The following TMC6 variants were observed in gnomAD, a reference collection of about 807,000 sequenced individuals.
TMC6 encodes transmembrane channel like 6.
Under a neutral mutation model 95.4 loss-of-function variants are expected in TMC6, and 71 were observed. The observed-to-expected ratio is 0.74, with a 90% CI of 0.61 to 0.91. TMC6 has a LOEUF of 0.91. TMC6 is among the 40% of genes least tolerant of loss of function. The probability of loss-of-function intolerance (pLI) is 0.00; values close to 1 mark genes in which losing one functional copy is unlikely to be tolerated. For synonymous variants in TMC6, 514 were observed against 483.1 expected, an observed-to-expected ratio of 1.06 and a Z score of -0.84; for missense variants, 1,074 against 1,079.1, an observed-to-expected ratio of 1.00 and a Z score of 0.07.
Position 78,124,360 on chromosome 17 carries a change from C to T in TMC6, c.891+164G>A, listed in dbSNP as rs528228226. The T allele has an allele frequency of 9.7e-6, 13 of 1,344,732 alleles. No homozygotes were observed. The African/African-American group carries it at 1.7e-4, about 18-fold the overall frequency. The allele number at this position is 1,344,732 out of a possible 1,614,324, so 83.3% of individuals were successfully genotyped here. A position where few individuals can be genotyped will look rare whatever the true frequency, so the allele number is the denominator to read the frequency against. On this transcript the variant is annotated intron_variant, in intron 8 of 19. Transcript: ENST00000590602. ...CCCATGGGAACCCCAGCACGATGAGCATCCAGGGTCATTGAGGGGGAGGCG... is the reference window on the plus strand; with the variant it reads ...CCCATGGGAACCCCAGCACGATGAGTATCCAGGGTCATTGAGGGGGAGGCG...
chr17:78,113,751 AAAAG>A (rs2073914295), intron 18 of TMC6, 127 bp from the exon 19 acceptor site: 2 of 993,420 alleles, frequency 2.0e-6, no homozygotes, highest in East Asian at 2.4e-5. Context: ...GCAAAAACAT[AAAAG>A]AAAAGGTGAA....
At chr17:78,126,722 T>A in intron 2 of TMC6, 55 bp downstream of exon 2, 1 of 1,611,682 alleles carries the variant, frequency 6.2e-7, no homozygotes, top group Non-Finnish European at 8.5e-7. Context: ...TCAGGTGACC[T>A]CTCCGTGGGG....
chr17:78,114,504 G>C (rs761642504), intron 18 of TMC6, among the ~76,000 whole-genome samples: 5 of 152,046 alleles, frequency 3.3e-5, no homozygotes, highest in Non-Finnish European at 5.9e-5. Context: ...GGGCTCTTTC[G>C]ACAATGAAAT....
upstream of TMC6, among the ~76,000 whole-genome samples, chr17:78,129,009 G>C (rs1335287563): frequency 6.6e-6 from 1 of 152,094 alleles, no homozygotes; most frequent in Non-Finnish European, 1.5e-5. This position sits in a 1 kb window ranked among gnomAD's most constrained non-coding sequence, Gnocchi z 4.3. Context: ...GTTCCAAAAA[G>C]GGGCAATATT....
rs1033909304 is a variant in TMC6, at chr17:78,122,877, TG to T, written c.1083-129del. ...ACTCAGGAGCCATCTGGGCCCTGAC[TG>T]GGCCTCCTGCCACACCCCTGCCCCA... On this transcript the variant is annotated intron_variant, in intron 9 of 19. Transcript: ENST00000590602. This position sits in a 1 kb window ranked among gnomAD's most constrained non-coding sequence, Gnocchi z 4.9. The T allele has an allele frequency of 3.7e-6, 5 of 1,340,330 alleles. No individual in the cohort carries two copies. In the Admixed American group the frequency reaches 7.9e-5, roughly 21 times the overall value. The allele number at this position is 1,340,330 out of a possible 1,614,324, so 83.0% of individuals were successfully genotyped here. A position where few individuals can be genotyped will look rare whatever the true frequency, so the allele number is the denominator to read the frequency against.
chr17:78,131,840 G>T (rs552487418), upstream of TMC6: 7,243 of 1,481,358 alleles, frequency 4.9e-3, 22 homozygotes, highest in Non-Finnish European at 5.9e-3. Context: ...GGGTGGGCAG[G>T]GCGGGTGACT....
rs1451250735 is a variant in TMC6 at position 78,107,621 on chromosome 17, T to A, written c.*5527A>T. ...GAACTCAGATTTTCCATTGTTTTGC[T>A]TTATTCTATCATTTGCTTTGTGGTT... On this transcript the variant is annotated 3_prime_UTR_variant, in exon 20 of 20. Coordinates refer to ENST00000590602, the MANE Select transcript of TMC6 (RefSeq NM_001127198.5). 6.6e-6 allele frequency: 1 copy of A among 152,282 alleles called. No individual in the cohort carries two copies. The highest frequency in any genetic ancestry group is 2.4e-5 in the African/African-American group (1 of 41,482). 9.4% of individuals were successfully genotyped at this position (152,282 alleles called of 1,614,324 possible).
In TMC6 at chr17:78,111,338, GA is replaced by G. The variant is rs1245681939; in HGVS notation, c.*1809del. The G allele has an allele frequency of 6.6e-6, 1 of 152,326 alleles. No individual in the cohort carries two copies. Among genetic ancestry groups the G allele is most frequent in the Non-Finnish European group, 1.5e-5 (1 of 68,098 alleles). 9.4% of individuals were successfully genotyped at this position (152,326 alleles called of 1,614,324 possible). A position where few individuals can be genotyped will look rare whatever the true frequency, so the allele number is the denominator to read the frequency against. On this transcript the variant is annotated 3_prime_UTR_variant, in exon 20 of 20. Coordinates refer to ENST00000590602, the MANE Select transcript of TMC6 (RefSeq NM_001127198.5). ...GTACTGTCCTTTGTGAGGCTGGCAA[GA>G]TGGGCTCAACAGGTCACAACCAATG... is the stretch of plus-strand genomic sequence containing the variant.
At chr17:78,116,321 G>T (rs1463033443) in intron 18 of TMC6, among the ~76,000 whole-genome samples, 1 of 147,506 alleles carries the variant, frequency 6.8e-6, no homozygotes, top group Non-Finnish European at 1.5e-5. Context: ...CTGTCACCCA[G>T]GCTGGAGCGC....
At chr17:78,123,815 A>G (rs2074553363) in intron 9 of TMC6, among the ~76,000 whole-genome samples, 174 bp downstream of exon 9, 1 of 151,212 alleles carries the variant, frequency 6.6e-6, no homozygotes, top group Non-Finnish European at 1.5e-5. Flanking sequence ...GTGGGTAGGT[A>G]GATGGATGGG....
chr17:78,121,740 C>A lies in TMC6; in HGVS notation c.1228-29G>T. ...CAGGCGGCACCGTGTCCCCGTCACC[C>A]ACACCAGAGCACGGGCACACGCAGA... On this transcript the variant is annotated intron_variant, in intron 10 of 19. Coordinates refer to ENST00000590602, the MANE Select transcript of TMC6 (RefSeq NM_001127198.5). The surrounding 1 kb of genome is among the most constrained non-coding windows in gnomAD (Gnocchi z 5.6). The A allele has an allele frequency of 6.4e-7, 1 of 1,553,352 alleles. No homozygotes were observed. The highest frequency in any genetic ancestry group is 1.4e-5 in the African/African-American group (1 of 73,894).
upstream of TMC6, among the ~76,000 whole-genome samples, chr17:78,129,976 G>A (rs577243640): frequency 6.6e-6 from 1 of 152,308 alleles, no homozygotes; most frequent in East Asian, 1.9e-4. This position sits in a 1 kb window ranked among gnomAD's most constrained non-coding sequence, Gnocchi z 4.3. Context: ...AAGGACTCTG[G>A]AAACCAGGAA....
intron 16 of TMC6, 75 bp downstream of exon 16, chr17:78,117,727 G>GCACCACCCAACCC (rs2074201089): frequency 3.8e-6 from 6 of 1,565,806 alleles, no homozygotes; most frequent in Non-Finnish European, 5.2e-6. Context: ...GCACCCCTAA[G>GCACCACCCAACCC]CCTTGGGCCC....
Position 78,122,029 on chromosome 17 carries a change from T to C in TMC6, c.1228-318A>G, listed in dbSNP as rs1485491159. Among the ~76,000 whole-genome samples the C allele has an allele frequency of 6.6e-6, 1 of 152,084 alleles. No homozygotes were observed. The highest frequency in any genetic ancestry group is 1.9e-4 in the East Asian group (1 of 5,146). On this transcript the variant is annotated intron_variant, in intron 10 of 19. Transcript: ENST00000590602. The surrounding 1 kb of genome is among the most constrained non-coding windows in gnomAD (Gnocchi z 4.9). The stretch of plus-strand genomic sequence containing the variant: ...GGGGCCTTGCTCAGAGGTCCTTTCC[T>C]GTTCCCTGTGGATGTGGGTGGCCCC...
chr17:78,120,212 T>C (rs577856981), intron 13 of TMC6: 28 of 339,056 alleles, frequency 8.3e-5, no homozygotes, highest in Non-Finnish European at 1.5e-4. Flanking sequence ...CGGGCTGGAG[T>C]GCAGAGGCGC....
intron 15 of TMC6, chr17:78,118,288 G>A (rs1598839304): frequency 2.6e-6 from 1 of 378,454 alleles, no homozygotes; most frequent in South Asian, 2.4e-5. Flanking sequence ...CAGGTGCGGT[G>A]GCTCATGCCT....
intron 4 of TMC6, 131 bp downstream of exon 4, chr17:78,126,146 C>A: frequency 7.4e-7 from 1 of 1,350,062 alleles, no homozygotes; most frequent in Non-Finnish European, 1.0e-6. Context: ...AGGAGCCCGC[C>A]CTGGGCCTGG....
chr17:78,129,466 C>T (rs538959038), upstream of TMC6, among the ~76,000 whole-genome samples: 1 of 152,152 alleles, frequency 6.6e-6, no homozygotes, highest in Non-Finnish European at 1.5e-5. The surrounding 1 kb of genome is among the most constrained non-coding windows in gnomAD (Gnocchi z 4.3). Flanking sequence ...CTTAGTGGTC[C>T]ACCTGGGAAC....
chr17:78,123,531 AGATG>A (rs2074523087), intron 9 of TMC6, among the ~76,000 whole-genome samples: 2 of 123,768 alleles, frequency 1.6e-5, no homozygotes, highest in African/African-American at 7.1e-5. Flanking sequence ...ATGGGTGGGT[AGATG>A]GATGAATGGG....
Sources: gnomAD v4.1 joint callset for allele counts (sites outside exome capture counted in the v4.1 genomes callset) on GRCh38, gnomAD v4.1.1 for gene constraint, Gnocchi (gnomAD v3.1) non-coding constraint, MANE v1.5 for transcripts, NCBI Gene and HGNC (gene_info 2026-07-23, HGNC 2026-07-21) for gene names.